C4BPB: variants seen among roughly 807,000 people sequenced by gnomAD.
The protein encoded by C4BPB is C4b-binding protein beta chain.
Under a neutral mutation model 26.6 loss-of-function variants are expected in C4BPB, and 19 were observed. That is an observed-to-expected ratio of 0.71 (90% CI 0.50 to 1.05). The LOEUF is 1.05. C4BPB is among the 50% of genes least tolerant of loss of function. The pLI, the probability that C4BPB is intolerant of heterozygous loss-of-function variation, is 0.00. For synonymous variants in C4BPB, 118 were observed against 103.5 expected, an observed-to-expected ratio of 1.14 and a Z score of -0.85; for missense variants, 282 against 302.9, an observed-to-expected ratio of 0.93 and a Z score of 0.51.
In C4BPB at chr1:207,099,829, A is replaced by C. The variant is rs768517505; in HGVS notation, c.659A>C (p.Glu220Ala). Residue 220 changes from glutamate to alanine, a missense_variant, in exon 7 of 7, where the codon GAG (glutamate) becomes GCG (alanine). Glu to Ala is a moderately radical substitution (Grantham distance 107, BLOSUM62 -1). Coordinates refer to ENST00000367078, the MANE Select transcript of C4BPB (RefSeq NM_001017365.3). ...QESKNLCEAM[E>A]NFMQQLKESG... is the part of the protein sequence containing the mutation. ...AGTAAGAACCTCTGCGAAGCCATGG[A>C]GAACTTTATGCAACAATTAAAGGAA... 11 of 1,613,814 alleles carry C rather than the reference A, an allele frequency of 6.8e-6. No individual in the cohort carries two copies. Among genetic ancestry groups the C allele is most frequent in the African/African-American group, 1.3e-5 (1 of 74,936 alleles).
chr1:207,092,571 G>T (rs1684071591), intron 4 of C4BPB, among the ~76,000 whole-genome samples: 1 of 150,498 alleles, frequency 6.6e-6, no homozygotes, highest in African/African-American at 2.4e-5. Context: ...GAACAATGCT[G>T]AAATGAATAT....
chr1:207,094,369 T>C (rs1684163461), intron 4 of C4BPB, among the ~76,000 whole-genome samples: 1 of 152,052 alleles, frequency 6.6e-6, no homozygotes, highest in African/African-American at 2.4e-5. Flanking sequence ...ACAAACTATA[T>C]ATGCTCTTAC....
chr1:207,090,435 T>A lies in C4BPB; in HGVS notation c.186T>A (p.Phe62Leu), dbSNP rs757438876. 6.2e-6 allele frequency: 10 copies of A among 1,614,056 alleles called. No individual in the cohort carries two copies. In the South Asian group the frequency reaches 1.1e-4, roughly 18 times the overall value. The change falls in exon 3 of 7, where the codon TTT becomes TTA. Residue 62 changes from phenylalanine (F) to leucine (L), a missense_variant. By Grantham distance (22) the Phe-to-Leu change is conservative (BLOSUM62 0). Coordinates refer to ENST00000367078, the MANE Select transcript of C4BPB (RefSeq NM_001017365.3). ...ACCTGGTAGGAAAGAAGACCCTTTT[T>A]TGCAATGCCTCTAAGGAGTGGGATA... Reference protein sequence around the residue: ...GYHLVGKKTLFCNASKEWDNT... With the variant: ...GYHLVGKKTLLCNASKEWDNT...
chr1:207,092,019 G>A, intron 4 of C4BPB, 199 bp downstream of exon 4: 1 of 517,570 alleles, frequency 1.9e-6, no homozygotes. Flanking sequence ...GCAATGAACA[G>A]CATCCAAAGC....
intron 6 of C4BPB, among the ~76,000 whole-genome samples, chr1:207,098,709 C>T (rs1283101146): frequency 6.6e-6 from 1 of 152,160 alleles, no homozygotes; most frequent in Non-Finnish European, 1.5e-5. Context: ...ATATAACTCA[C>T]CATAATGTAG....
rs932305084 is a variant in C4BPB, at chr1:207,095,384, G to A, written c.410-1138G>A. 12 of 456,496 alleles carry A rather than the reference G, an allele frequency of 2.6e-5. No homozygotes were observed. In the East Asian group the frequency reaches 6.9e-4, roughly 26 times the overall value. The allele number at this position is 456,496 out of a possible 1,614,324, so 28.3% of individuals were successfully genotyped here. A position where few individuals can be genotyped will look rare whatever the true frequency, so the allele number is the denominator to read the frequency against. ...CTTGCTCTGTTTCCCAGGCTGGAGT[G>A]CAGTGGCAGAATCTTGGCTCACTGC... On this transcript the variant is annotated intron_variant, in intron 4 of 6. Transcript: ENST00000367078.
At chr1:207,089,975 A>G (rs550727058) in intron 2 of C4BPB, among the ~76,000 whole-genome samples, 1 of 152,336 alleles carries the variant, frequency 6.6e-6, no homozygotes, top group East Asian at 1.9e-4. Flanking sequence ...TTTGAAAATA[A>G]AACTTCGGAA....
At position 207,099,908 on chromosome 1, in the gene C4BPB, G is replaced by T; in HGVS notation, c.738G>T (p.Glu246Asp). ...LKYSLELKKA[E>D]LKAKLL ...ATTCTCTGGAGCTGAAGAAAGCTGA[G>T]TTGAAGGCAAAATTGTTGTAACACT... Residue 246 changes from glutamate to aspartate, a missense_variant, in exon 7 of 7, where the codon GAG becomes GAT. Physicochemically the swap from Glu to Asp is conservative, Grantham distance 45 (BLOSUM62 2). Transcript: ENST00000367078. 1 of 1,613,036 alleles carries T rather than the reference G, an allele frequency of 6.2e-7. No individual in the cohort carries two copies. The highest frequency in any genetic ancestry group is 8.5e-7 in the Non-Finnish European group (1 of 1,179,572).
intron 5 of C4BPB, among the ~76,000 whole-genome samples, chr1:207,097,267 C>T (rs1684289221): frequency 6.6e-6 from 1 of 151,972 alleles, no homozygotes; most frequent in Non-Finnish European, 1.5e-5. Flanking sequence ...GGCTGGAGTG[C>T]AGTGGTGTAC....
At chr1:207,096,737 T>C (rs1234827699) in intron 5 of C4BPB, 122 bp downstream of exon 5, 3 of 629,168 alleles carry the variant, frequency 4.8e-6, no homozygotes, top group Non-Finnish European at 5.6e-6. Flanking sequence ...TCTAAGCTCA[T>C]TCTGATTTTG....
chr1:207,096,293 T>C (rs936849084), intron 4 of C4BPB: 22 of 511,628 alleles, frequency 4.3e-5, no homozygotes, highest in Non-Finnish European at 7.0e-5. Flanking sequence ...ACTCAGAAGA[T>C]GGGCTGGGGG....
intron 5 of C4BPB, 145 bp downstream of exon 5, chr1:207,096,760 G>T: frequency 1.7e-6 from 1 of 601,064 alleles, no homozygotes; most frequent in Non-Finnish European, 3.0e-6. Context: ...AGCTGCTTTG[G>T]CCCTCTGCTA....
chr1:207,090,797 A>T (rs1027480657), intron 3 of C4BPB, among the ~76,000 whole-genome samples: 2 of 152,218 alleles, frequency 1.3e-5, no homozygotes, highest in African/African-American at 4.8e-5. Flanking sequence ...TGTTTATGTT[A>T]TGGAAAATTT....
chr1:207,089,455 T>A, intron 1 of C4BPB, 27 bp from the exon 2 acceptor site: 1 of 1,301,508 alleles, frequency 7.7e-7, no homozygotes, highest in Non-Finnish European at 1.1e-6. Context: ...TAAGCAGTGT[T>A]AGAAGATCTA....
At position 207,090,388 on chromosome 1, in the gene C4BPB, T is replaced by TA. The variant is rs746747445; in HGVS notation, c.140dup (p.Tyr47Ter). ...KEVEGQILGT[Y>*]VCIKGYHLVG... ...GGTGGAAGGACAGATTCTGGGGACT[T>TA]ACGTTTGTATCAAGGGCTACCACCT... Residue 47 changes from tyrosine to a stop codon, truncating the protein, a stop_gained and frameshift_variant, in exon 3 of 7, where the codon TAC becomes TAAC. Transcript: ENST00000367078. LOFTEE classifies it high-confidence loss of function. 24 of 1,613,934 alleles carry TA rather than the reference T, an allele frequency of 1.5e-5. No individual in the cohort carries two copies. The highest frequency in any genetic ancestry group is 1.0e-4 in the Admixed American group (6 of 59,988).
At chr1:207,093,604 C>T (rs1684128806) in intron 4 of C4BPB, among the ~76,000 whole-genome samples, 1 of 152,072 alleles carries the variant, frequency 6.6e-6, no homozygotes, top group Admixed American at 6.6e-5. Context: ...ATTCATAATA[C>T]ATTCCAAATG....
chr1:207,097,137 C>T (rs1050938079), intron 5 of C4BPB, among the ~76,000 whole-genome samples: 4 of 152,140 alleles, frequency 2.6e-5, no homozygotes, highest in Non-Finnish European at 4.4e-5. Flanking sequence ...GGCACCACTG[C>T]ACTTTAACCC....
Position 207,091,770 on chromosome 1 carries a change from A to G in C4BPB, c.359A>G (p.Gln120Arg). 5 of 1,614,180 alleles carry G rather than the reference A, an allele frequency of 3.1e-6. No homozygotes were observed. Among genetic ancestry groups the G allele is most frequent in the African/African-American group, 1.3e-5 (1 of 75,070 alleles). The change falls in exon 4 of 7, where the codon CAG (glutamine) becomes CGG (arginine). Residue 120 changes from glutamine (Q) to arginine (R), a missense_variant. Coordinates refer to ENST00000367078, the MANE Select transcript of C4BPB (RefSeq NM_001017365.3). ...ATCCTCAAGGGCAGCAATCGGAGCC[A>G]GTGTCTAGAGGACCACACCTGGGCA... is the stretch of plus-strand genomic sequence containing the variant. ...HYILKGSNRS[Q>R]CLEDHTWAPP... is the part of the protein sequence containing the mutation.
intron 4 of C4BPB, among the ~76,000 whole-genome samples, chr1:207,094,774 C>T (rs1291681107): frequency 2.0e-5 from 3 of 152,172 alleles, no homozygotes; most frequent in Admixed American, 2.0e-4. Flanking sequence ...TCTATTCAGC[C>T]TTTGAGCTCA....
Sources: allele counts gnomAD v4.1 joint callset (sites outside exome capture counted in the v4.1 genomes callset), GRCh38; gene constraint gnomAD v4.1.1; transcripts MANE v1.5; gene names NCBI Gene and HGNC (gene_info 2026-07-23, HGNC 2026-07-21).